The following CHPF variants were observed in gnomAD, a reference collection of about 807,000 sequenced individuals.
CHPF encodes the protein chondroitin polymerizing factor.
A neutral mutation model predicts 55.1 loss-of-function variants in CHPF; 34 were observed. The observed-to-expected ratio is 0.62, with a 90% CI of 0.47 to 0.82. The LOEUF (loss-of-function observed/expected upper bound fraction) is 0.82. CHPF is among the 40% of genes least tolerant of loss of function. The pLI is 0.00. For missense variants in CHPF, 961 were observed against 1,106.1 expected, an observed-to-expected ratio of 0.87 and a Z score of 1.86; for synonymous variants, 489 against 496.6, an observed-to-expected ratio of 0.98 and a Z score of 0.20.
At position 219,542,107 on chromosome 2, in the gene CHPF, G is replaced by T; in HGVS notation, c.397C>A (p.Leu133Met). Residue 133 changes from leucine to methionine, a missense_variant, in exon 2 of 4, where the codon CTG becomes ATG. Physicochemically the swap from Leu to Met is conservative, Grantham distance 15. Around this residue, in one of 3 missense-constraint regions of CHPF, gnomAD observed 936 missense variants for 1,058.4 expected, o/e 0.88. Transcript: ENST00000243776. ...VLTSQTTLPT[L>M]GVAVNRTLGH... ...AGCGTGCGGTTCACGGCCACGCCCA[G>T]CGTGGGCAGCGTGGTCTGAGAGGTC... 6.4e-7 allele frequency: 1 copy of T among 1,568,704 alleles called. No individual in the cohort carries two copies. Among genetic ancestry groups the T allele is most frequent in the Non-Finnish European group, 8.6e-7 (1 of 1,163,474 alleles).
Position 219,540,367 on chromosome 2 carries a change from C to T in CHPF, c.1344G>A (p.Leu448=). Reference sequence around the variant, plus strand: ...GATCAAAGCGTCGGTAGCCATTCACCAGCTGCTGCTTCTGGAGCCGCAAGG... The same window carrying T: ...GATCAAAGCGTCGGTAGCCATTCACTAGCTGCTGCTTCTGGAGCCGCAAGG... ...HPALRLQKQQ[L]VNGYRRFDPA... is the part of the protein sequence containing the mutation. The change falls in exon 4 of 4, where the codon CTG becomes CTA. Residue 448 remains leucine (L), a synonymous_variant. Coordinates refer to ENST00000243776, the MANE Select transcript of CHPF (RefSeq NM_024536.6). 6.2e-7 allele frequency: 1 copy of T among 1,614,028 alleles called. No homozygotes were observed. Among genetic ancestry groups the T allele is most frequent in the Non-Finnish European group, 8.5e-7 (1 of 1,179,996 alleles).
Position 219,543,382 on chromosome 2 carries a change from G to A in CHPF, c.157C>T (p.Arg53Cys). The change falls in exon 1 of 4, where the codon CGC becomes TGC. Residue 53 changes from arginine to cysteine, a missense_variant. This residue lies in a region of CHPF where 936 missense variants were observed against 1,058.4 expected (regional missense o/e 0.88). Transcript: ENST00000243776. ...CGGCGCGCCGCGTTGGTGTTGCCGC[G>A]CGGCGGCAGCTCAGAGTCTCCAGGT... ...PQPGDSELPP[R>C]GNTNAARRPN... 1 of 1,559,838 alleles carries A rather than the reference G, an allele frequency of 6.4e-7. No individual in the cohort carries two copies. Among genetic ancestry groups the A allele is most frequent in the South Asian group, 1.2e-5 (1 of 86,586 alleles).
Position 219,543,233 on chromosome 2 carries a change from C to G in CHPF, c.306G>C (p.Lys102Asn). Residue 102 changes from lysine (K) to asparagine (N), a missense_variant, in exon 1 of 4, where the codon AAG (lysine) becomes AAC (asparagine). Physicochemically the swap from Lys to Asn is moderately conservative, Grantham distance 94. Coordinates refer to ENST00000243776, the MANE Select transcript of CHPF (RefSeq NM_024536.6). ...GCGCAGCCGATCACTACCTGACGGC[C>G]TTTTTGGCGGCCTGGCCGGGCTGTG... is the stretch of plus-strand genomic sequence containing the variant. ...HPAQPGQAAKKAVRTRYISTE... is the reference protein window; with the variant it reads ...HPAQPGQAAKNAVRTRYISTE... The G allele has an allele frequency of 6.4e-7, 1 of 1,554,572 alleles. No individual in the cohort carries two copies.
At position 219,543,416 on chromosome 2, in the gene CHPF, G is replaced by A; in HGVS notation, c.123C>T (p.Gly41=). 1 of 1,533,642 alleles carries A rather than the reference G, an allele frequency of 6.5e-7. No homozygotes were observed. Among genetic ancestry groups the A allele is most frequent in the Non-Finnish European group, 8.7e-7 (1 of 1,151,270 alleles). Residue 41 remains glycine, a synonymous_variant, in exon 1 of 4, where the codon GGC becomes GGT. Coordinates refer to ENST00000243776, the MANE Select transcript of CHPF (RefSeq NM_024536.6). ...VTWVEEPCGP[G]PPQPGDSELP... is the part of the protein sequence containing the mutation. ...GCTCAGAGTCTCCAGGTTGGGGCGG[G>A]CCTGGGCCGCACGGCTCCTCCACCC...
In CHPF at chr2:219,541,546, A is replaced by T. The variant is rs545609786; in HGVS notation, c.888+70T>A. 6.2e-6 allele frequency: 8 copies of T among 1,287,724 alleles called. No individual in the cohort carries two copies. The South Asian group carries it at 1.2e-4, about 20-fold the overall frequency. The allele number at this position is 1,287,724 out of a possible 1,614,324, so 79.8% of individuals were successfully genotyped here. A position where few individuals can be genotyped will look rare whatever the true frequency, so the allele number is the denominator to read the frequency against. On this transcript the variant is annotated intron_variant, in intron 2 of 3. Coordinates refer to ENST00000243776, the MANE Select transcript of CHPF (RefSeq NM_024536.6). ...ATGGAAAAGCAGACCTGTATCTCCA[A>T]CATCCCTTTGCCTCTCAGAGGGATT... is the stretch of plus-strand genomic sequence containing the variant.
Position 219,543,386 on chromosome 2 carries a change from C to A in CHPF, c.153G>T (p.Pro51=). 1 of 1,559,208 alleles carries A rather than the reference C, an allele frequency of 6.4e-7. No homozygotes were observed. Among genetic ancestry groups the A allele is most frequent in the Non-Finnish European group, 8.6e-7 (1 of 1,162,656 alleles). The part of the protein sequence containing the change: ...GPPQPGDSEL[P]PRGNTNAARR... ...GCGCCGCGTTGGTGTTGCCGCGCGG[C>A]GGCAGCTCAGAGTCTCCAGGTTGGG... Residue 51 remains proline, a synonymous_variant, in exon 1 of 4, where the codon CCG becomes CCT. Coordinates refer to ENST00000243776, the MANE Select transcript of CHPF (RefSeq NM_024536.6).
chr2:219,541,886 C>G lies in CHPF; in HGVS notation c.618G>C (p.Ala206=). The change falls in exon 2 of 4, where the codon GCG becomes GCC. Residue 206 remains alanine (A), a synonymous_variant. Coordinates refer to ENST00000243776, the MANE Select transcript of CHPF (RefSeq NM_024536.6). ...FLVPDTTYTE[A]HGLARLTGHL... ...GGCCAGTTAGGCGTGCCAGGCCGTG[C>G]GCCTCGGTGTAGGTGGTGTCAGGCA... is the stretch of plus-strand genomic sequence containing the variant. 2 of 1,613,258 alleles carry G rather than the reference C, an allele frequency of 1.2e-6. No homozygotes were observed. The highest frequency in any genetic ancestry group is 1.7e-6 in the Non-Finnish European group (2 of 1,179,778).
At position 219,543,783 on chromosome 2, in the gene CHPF, G is replaced by A. The variant is rs971504891; in HGVS notation, c.-245C>T. 3 of 456,000 alleles carry A rather than the reference G, an allele frequency of 6.6e-6. No homozygotes were observed. The highest frequency in any genetic ancestry group is 2.1e-5 in the African/African-American group (1 of 48,184). 28.2% of individuals were successfully genotyped at this position (456,000 alleles called of 1,614,324 possible). A position where few individuals can be genotyped will look rare whatever the true frequency, so the allele number is the denominator to read the frequency against. On this transcript the variant is annotated 5_prime_UTR_variant, in exon 1 of 4. Transcript: ENST00000243776. ...CGCTCGGCACTGGAGCCTCAGCCGC[G>A]GCCGCAGCTGTCCGACGTGTCACTG...
At chr2:219,543,114 T>A in intron 1 of CHPF, 111 bp downstream of exon 1, 1 of 1,365,924 alleles carries the variant, frequency 7.3e-7, no homozygotes, top group East Asian at 3.1e-5. Context: ...GCCCAAAGAC[T>A]TCCTGGCTCG....
rs781021113 is a variant in CHPF, at chr2:219,540,926, C to T, written c.1068+20G>A. ...AGATCCTGTCCCCGTCACTCTGCCACCCCCAGACCTAGACCATACCTGTAA... is the reference window on the plus strand; with the variant it reads ...AGATCCTGTCCCCGTCACTCTGCCATCCCCAGACCTAGACCATACCTGTAA... On this transcript the variant is annotated intron_variant, in intron 3 of 3. Transcript: ENST00000243776. The T allele has an allele frequency of 4.4e-6, 7 of 1,607,612 alleles. No individual in the cohort carries two copies. Among genetic ancestry groups the T allele is most frequent in the Non-Finnish European group, 5.9e-6 (7 of 1,178,026 alleles).
chr2:219,540,130 C>T lies in CHPF; in HGVS notation c.1581G>A (p.Glu527=). ...GCTCCAGTGCTGCAGTGGCAAAGGC[C>T]TCCAAGAAGCCAGGGGCCAGGTCAC... The part of the protein sequence containing the change: ...AERDLAPGFL[E]AFATAALEPG... The change falls in exon 4 of 4, where the codon GAG becomes GAA. Residue 527 remains glutamate (E), a synonymous_variant. Transcript: ENST00000243776. 6.2e-7 allele frequency: 1 copy of T among 1,600,722 alleles called. No homozygotes were observed. The highest frequency in any genetic ancestry group is 1.1e-5 in the South Asian group (1 of 89,408).
Position 219,541,792 on chromosome 2 carries a change from T to C in CHPF, c.712A>G (p.Thr238Ala), listed in dbSNP as rs762770890. 6.2e-7 allele frequency: 1 copy of C among 1,606,054 alleles called. No individual in the cohort carries two copies. Among genetic ancestry groups the C allele is most frequent in the Non-Finnish European group, 8.5e-7 (1 of 1,176,092 alleles). The change falls in exon 2 of 4, where the codon ACC becomes GCC. Residue 238 changes from threonine (T) to alanine (A), a missense_variant. Coordinates refer to ENST00000243776, the MANE Select transcript of CHPF (RefSeq NM_024536.6). ...CCTCCGTGGCAGTAGCGGCCGGGGG[T>C]GGGCTCTCCGCCGATGAAGTCCTGG... ...RPQDFIGGEP[T>A]PGRYCHGGFG...
At position 219,543,642 on chromosome 2, in the gene CHPF, CCCCGCGGGCGGG is replaced by C; in HGVS notation, c.-116_-105del. ...AGGGGGCGGATCCGGAGGGCTCGGG[CCCCGCGGGCGGG>C]CCCGCTCCCTCCCCGCAGAGCAGAG... On this transcript the variant is annotated 5_prime_UTR_variant, in exon 1 of 4. Coordinates refer to ENST00000243776, the MANE Select transcript of CHPF (RefSeq NM_024536.6). The C allele has an allele frequency of 3.2e-6, 3 of 927,202 alleles. No homozygotes were observed. The highest frequency in any genetic ancestry group is 2.9e-6 in the Non-Finnish European group (2 of 694,486). The allele number at this position is 927,202 out of a possible 1,614,324, so 57.4% of individuals were successfully genotyped here.
chr2:219,541,685 C>G lies in CHPF; in HGVS notation c.819G>C (p.Ala273=), dbSNP rs1160020764. The G allele has an allele frequency of 2.5e-6, 4 of 1,610,942 alleles. No homozygotes were observed. The highest frequency in any genetic ancestry group is 3.4e-6 in the Non-Finnish European group (4 of 1,178,316). ...AGCGACCCAGCCACTCGTCAGGGCG[C>G]GCACTGACGATGTCGTTGCGGCAGC... ...LEGCRNDIVS[A]RPDEWLGRCI... is the part of the protein sequence containing the mutation. The change falls in exon 2 of 4, where the codon GCG becomes GCC. Residue 273 remains alanine (A), a synonymous_variant. Coordinates refer to ENST00000243776, the MANE Select transcript of CHPF (RefSeq NM_024536.6).
chr2:219,539,137 C>A lies in CHPF; in HGVS notation c.*246G>T. 1.9e-6 allele frequency: 1 copy of A among 536,356 alleles called. No individual in the cohort carries two copies. 33.2% of individuals were successfully genotyped at this position (536,356 alleles called of 1,614,324 possible). A position where few individuals can be genotyped will look rare whatever the true frequency, so the allele number is the denominator to read the frequency against. ...CTGCATAAATACGTGGAGGCCACAG[C>A]CCGAATCAGCAGCGTCAGGGGGCAG... On this transcript the variant is annotated 3_prime_UTR_variant, in exon 4 of 4. Transcript: ENST00000243776.
Position 219,543,651 on chromosome 2 carries a change from C to T in CHPF, c.-113G>A. ...ATCCGGAGGGCTCGGGCCCCGCGGG[C>T]GGGCCCGCTCCCTCCCCGCAGAGCA... On this transcript the variant is annotated 5_prime_UTR_variant, in exon 1 of 4. Transcript: ENST00000243776. 3 of 780,228 alleles carry T rather than the reference C, an allele frequency of 3.8e-6. No individual in the cohort carries two copies. The highest frequency in any genetic ancestry group is 5.3e-6 in the Non-Finnish European group (3 of 561,718). The allele number at this position is 780,228 out of a possible 1,614,324, so 48.3% of individuals were successfully genotyped here. A position where few individuals can be genotyped will look rare whatever the true frequency, so the allele number is the denominator to read the frequency against.
chr2:219,542,037 C>T lies in CHPF; in HGVS notation c.467G>A (p.Gly156Asp). 1.3e-6 allele frequency: 2 copies of T among 1,587,070 alleles called. No homozygotes were observed. The highest frequency in any genetic ancestry group is 1.7e-6 in the Non-Finnish European group (2 of 1,170,536). The change falls in exon 2 of 4, where the codon GGC becomes GAC. Residue 156 changes from glycine (G) to aspartate (D), a missense_variant. Around this residue, in one of 3 missense-constraint regions of CHPF, gnomAD observed 936 missense variants for 1,058.4 expected, o/e 0.88. Coordinates refer to ENST00000243776, the MANE Select transcript of CHPF (RefSeq NM_024536.6). ...ERVVFLTGAR[G>D]RRAPPGMAVV... is the part of the protein sequence containing the mutation. Reference sequence around the variant, plus strand: ...TGCCATGCCAGGTGGGGCCCGGCGGCCCCGTGCGCCCGTCAGGAACACCAC... The same window carrying T: ...TGCCATGCCAGGTGGGGCCCGGCGGTCCCGTGCGCCCGTCAGGAACACCAC...
At position 219,539,160 on chromosome 2, in the gene CHPF, C is replaced by T; in HGVS notation, c.*223G>A. The T allele has an allele frequency of 1.8e-6, 1 of 554,436 alleles. No individual in the cohort carries two copies. Among genetic ancestry groups the T allele is most frequent in the South Asian group, 2.6e-5 (1 of 39,012 alleles). The allele number at this position is 554,436 out of a possible 1,614,324, so 34.3% of individuals were successfully genotyped here. A position where few individuals can be genotyped will look rare whatever the true frequency, so the allele number is the denominator to read the frequency against. On this transcript the variant is annotated 3_prime_UTR_variant, in exon 4 of 4. Transcript: ENST00000243776. ...AGCCCGAATCAGCAGCGTCAGGGGG[C>T]AGGGAAACTGGGTTTGGGATGAGAA...
rs1338615301 is a variant in CHPF at position 219,539,860 on chromosome 2, G to A, written c.1851C>T (p.Asp617=). 3 of 1,613,556 alleles carry A rather than the reference G, an allele frequency of 1.9e-6. No individual in the cohort carries two copies. Among genetic ancestry groups the A allele is most frequent in the East Asian group, 4.5e-5 (2 of 44,894 alleles). ...LDTLFLLAGP[D]TVLTPDFLNR... ...TCAGGAAGTCAGGCGTGAGCACCGT[G>A]TCTGGCCCGGCCAGCAGGAACAGTG... is the stretch of plus-strand genomic sequence containing the variant. The change falls in exon 4 of 4, where the codon GAC becomes GAT. Residue 617 remains aspartate, a synonymous_variant. Coordinates refer to ENST00000243776, the MANE Select transcript of CHPF (RefSeq NM_024536.6).
Sources: allele counts gnomAD v4.1 joint callset, GRCh38; gene constraint gnomAD v4.1.1; regional missense constraint gnomAD v4.1.1; transcripts MANE v1.5; gene names NCBI Gene and HGNC (gene_info 2026-07-23, HGNC 2026-07-21).